Variants in CCDC14 observed in about 807,000 individuals in gnomAD.
CCDC14 encodes coiled-coil domain containing 14.
A neutral mutation model predicts 81.4 loss-of-function variants in CCDC14; 71 were observed. The observed-to-expected ratio is 0.87, with a 90% confidence interval of 0.72 to 1.06. CCDC14 has a LOEUF of 1.06. CCDC14 is among the 50% of genes least tolerant of loss of function. CCDC14 has a pLI of 0.00. For synonymous variants in CCDC14, 332 were observed against 364.8 expected (o/e 0.91, Z 1.03); for missense variants, 1,046 against 1,047.3 (o/e 1.00, Z 0.02).
intron 5 of CCDC14, among the ~76,000 whole-genome samples, chr3:123,902,070 G>T (rs1247290887): frequency 6.6e-6 from 1 of 152,086 alleles, no homozygotes; most frequent in East Asian, 1.9e-4. Flanking sequence ...AACTGCAATG[G>T]ATTCAAACAC....
At chr3:123,918,407 T>A (rs1413650077) in intron 12 of CCDC14, among the ~76,000 whole-genome samples, 1 of 152,146 alleles carries the variant, frequency 6.6e-6, no homozygotes, top group Non-Finnish European at 1.5e-5. Context: ...TCCAGCAAGA[T>A]GGTGGAATAA....
intron 5 of CCDC14, among the ~76,000 whole-genome samples, chr3:123,904,170 G>T (rs924156051): frequency 6.6e-6 from 1 of 152,082 alleles, no homozygotes; most frequent in Non-Finnish European, 1.5e-5. Context: ...CATACTAGAT[G>T]ACTTCTTAGT....
chr3:123,961,091 C>T (rs1227073187), intron 1 of CCDC14, 53 bp downstream of exon 1: 4 of 1,446,432 alleles, frequency 2.8e-6, no homozygotes, highest in African/African-American at 2.9e-5. Context: ...GCCCGAAAAC[C>T]CCCCTGTCCC....
intron 5 of CCDC14, among the ~76,000 whole-genome samples, chr3:123,899,784 T>C (rs1365773360): frequency 6.6e-6 from 1 of 152,242 alleles, no homozygotes; most frequent in African/African-American, 2.4e-5. Flanking sequence ...CGTCTGTAGC[T>C]GACCAAACTC....
the CCDC14 span, among the ~76,000 whole-genome samples, chr3:123,888,288 A>T: frequency 6.6e-6 from 1 of 152,292 alleles, no homozygotes; most frequent in Non-Finnish European, 1.5e-5. Context: ...AGTTGACCTT[A>T]GTATTTTTTT....
chr3:123,922,249 C>T (rs1000184870), intron 12 of CCDC14, among the ~76,000 whole-genome samples: 17 of 151,972 alleles, frequency 1.1e-4, no homozygotes, highest in Non-Finnish European at 2.1e-4. Flanking sequence ...AAATTTATAG[C>T]AATAAACATA....
intron 5 of CCDC14, among the ~76,000 whole-genome samples, chr3:123,899,214 G>T (rs943356566): frequency 8.5e-5 from 13 of 152,280 alleles, no homozygotes; most frequent in African/African-American, 3.1e-4. Flanking sequence ...GAGGTTCTTA[G>T]TTCTGTTGTA....
chr3:123,952,532 C>CA, intron 5 of CCDC14: 1 of 494,960 alleles, frequency 2.0e-6, no homozygotes, highest in Middle Eastern at 3.3e-4. Flanking sequence ...CAAATAAGCT[C>CA]AATACAATTC....
downstream of CCDC14, among the ~76,000 whole-genome samples, chr3:123,895,570 T>A (rs906675202): frequency 7.9e-5 from 12 of 152,192 alleles, no homozygotes; most frequent in African/African-American, 2.9e-4. Context: ...GCCTGGGTCT[T>A]ACCCCCAGAA....
At chr3:123,907,108 T>G (rs527654915) in intron 5 of CCDC14, among the ~76,000 whole-genome samples, 1 of 152,234 alleles carries the variant, frequency 6.6e-6, no homozygotes, top group Non-Finnish European at 1.5e-5. Flanking sequence ...TAAGTGGTTT[T>G]AGTTTACAGT....
intron 1 of CCDC14, chr3:123,957,247 T>G (rs1023985661): frequency 2.6e-5 from 4 of 152,096 alleles, no homozygotes; most frequent in African/African-American, 9.7e-5. Context: ...ATGTAAAACG[T>G]CAAGCAAACT....
rs2148959345 is a variant in CCDC14, at chr3:123,955,892, C to A, written c.303G>T (p.Lys101Asn). Residue 101 changes from lysine (K) to asparagine (N), a missense_variant, in exon 5 of 13, where the codon AAG (lysine) becomes AAT (asparagine). Transcript: ENST00000409697. ...PLESKRYGSKKKRHEKHTIPL... is the reference protein window; with the variant it reads ...PLESKRYGSKNKRHEKHTIPL... ...GAATAGTATGTTTTTCATGTCTTTT[C>A]TTTTTTGATCCGTATCTTTTGCTTT... is the stretch of plus-strand genomic sequence containing the variant. 6.5e-7 allele frequency: 1 copy of A among 1,538,520 alleles called. No individual in the cohort carries two copies. The highest frequency in any genetic ancestry group is 2.5e-5 in the East Asian group (1 of 40,706).
chr3:123,919,917 T>C (rs1364774836), intron 12 of CCDC14, among the ~76,000 whole-genome samples: 1 of 152,086 alleles, frequency 6.6e-6, no homozygotes, highest in African/African-American at 2.4e-5. Flanking sequence ...GCACCAATAA[T>C]GGACTCTAAA....
chr3:123,944,158 ATTGT>A (rs1275782484), intron 9 of CCDC14, among the ~76,000 whole-genome samples: 1 of 151,992 alleles, frequency 6.6e-6, no homozygotes, highest in African/African-American at 2.4e-5. Flanking sequence ...TGCAGAACTG[ATTGT>A]TTGCTTGCTG....
chr3:123,899,381 G>T (rs1421583943), intron 5 of CCDC14, among the ~76,000 whole-genome samples: 2 of 152,144 alleles, frequency 1.3e-5, no homozygotes, highest in Non-Finnish European at 2.9e-5. Context: ...ATCCCCAAAT[G>T]TAAATCTCTA....
chr3:123,947,008 T>A lies in CCDC14; in HGVS notation c.996A>T (p.Pro332=). 1 of 1,614,044 alleles carries A rather than the reference T, an allele frequency of 6.2e-7. No homozygotes were observed. The highest frequency in any genetic ancestry group is 2.2e-5 in the East Asian group (1 of 44,888). ...QTHRSPTQSQ[P]AFLATNEEKC... ...TTTCTTCATTAGTGGCCAAGAAAGCTGGTTGTGACTGAGTAGGGCTTCGGT... is the reference window on the plus strand; with the variant it reads ...TTTCTTCATTAGTGGCCAAGAAAGCAGGTTGTGACTGAGTAGGGCTTCGGT... The change falls in exon 8 of 13, where the codon CCA becomes CCT. Residue 332 remains proline, a synonymous_variant. Transcript: ENST00000409697.
At chr3:123,926,084 C>T (rs971779366) in intron 12 of CCDC14, among the ~76,000 whole-genome samples, 4 of 152,000 alleles carry the variant, frequency 2.6e-5, no homozygotes, top group African/African-American at 9.6e-5. Context: ...TAAAGGAATA[C>T]TTATATTGAA....
the CCDC14 span, among the ~76,000 whole-genome samples, chr3:123,890,699 G>A: frequency 4.6e-5 from 7 of 152,286 alleles, no homozygotes; most frequent in South Asian, 4.1e-4. Context: ...CTCCCTCTTG[G>A]CTGCTTTCAT....
intron 12 of CCDC14, among the ~76,000 whole-genome samples, chr3:123,924,596 A>T (rs1375558279): frequency 6.6e-6 from 1 of 152,178 alleles, no homozygotes; most frequent in African/African-American, 2.4e-5. Flanking sequence ...ACAGCAAAAA[A>T]ACAAATAATT....
Sources: allele counts gnomAD v4.1 joint callset (sites outside exome capture counted in the v4.1 genomes callset), GRCh38; gene constraint gnomAD v4.1.1; transcripts MANE v1.5; gene names NCBI Gene and HGNC (gene_info 2026-07-23, HGNC 2026-07-21).